Variants in SLC12A8 observed in about 807,000 individuals in gnomAD.
The protein encoded by SLC12A8 is solute carrier family 12 member 8, also known as cation-chloride cotransporter 9.
In SLC12A8, 69 loss-of-function variants were observed where a neutral mutation model predicts 75.6. The observed-to-expected ratio is 0.91, with a 90% CI of 0.75 to 1.11. The LOEUF (loss-of-function observed/expected upper bound fraction) is 1.11, where lower values mean the gene tolerates loss of function less well. Ranked by LOEUF, SLC12A8 falls within the 50% of genes most tolerant of loss-of-function variation. SLC12A8 has a pLI of 0.00. For synonymous variants in SLC12A8, 365 were observed against 372.8 expected (o/e 0.98, Z 0.24); for missense variants, 877 against 896.7 (o/e 0.98, Z 0.28).
intron 10 of SLC12A8, among the ~76,000 whole-genome samples, chr3:125,104,912 T>C (rs1161408215): frequency 6.6e-6 from 1 of 152,016 alleles, no homozygotes; most frequent in East Asian, 1.9e-4. Context: ...ATATACTAAG[T>C]GATAAAGGAG....
At chr3:125,187,570 A>G (rs1430137199) in intron 3 of SLC12A8, 142 bp from the exon 4 acceptor site, 4 of 722,908 alleles carry the variant, frequency 5.5e-6, no homozygotes, top group Non-Finnish European at 7.1e-6. Flanking sequence ...GGACAACTAA[A>G]AAGGACAAAG....
chr3:125,096,327 T>C (rs1938710478), intron 10 of SLC12A8, among the ~76,000 whole-genome samples: 1 of 152,228 alleles, frequency 6.6e-6, no homozygotes, highest in South Asian at 2.1e-4. Flanking sequence ...TCTATTATTA[T>C]TCATTATACT....
chr3:125,105,035 A>C (rs1938989528), intron 10 of SLC12A8, among the ~76,000 whole-genome samples: 1 of 152,148 alleles, frequency 6.6e-6, no homozygotes, highest in Non-Finnish European at 1.5e-5. Context: ...TGTTATCCTC[A>C]GTCAAAACTA....
intron 11 of SLC12A8, 95 bp downstream of exon 11, chr3:125,092,006 G>A (rs768361076): frequency 1.2e-4 from 90 of 763,300 alleles, no homozygotes; most frequent in Non-Finnish European, 1.8e-4. Flanking sequence ...TTCTAATTAG[G>A]CCCTCCATCT....
intron 5 of SLC12A8, among the ~76,000 whole-genome samples, chr3:125,149,629 G>C (rs534883483): frequency 1.2e-4 from 18 of 152,178 alleles, no homozygotes; most frequent in Admixed American, 2.0e-4. Context: ...GTGGAATATT[G>C]AAAATATTCA....
rs1057118455 is a variant in SLC12A8 at position 125,153,106 on chromosome 3, G to A, written c.623-17324C>T. Among the ~76,000 whole-genome samples the A allele has an allele frequency of 1.8e-4, 27 of 152,254 alleles. 1 individual carries two copies. The highest frequency in any genetic ancestry group is 3.4e-3 in the Middle Eastern group (1 of 294). On this transcript the variant is annotated intron_variant, in intron 5 of 13. Coordinates refer to ENST00000469902, the MANE Select transcript of SLC12A8 (RefSeq NM_024628.6). The stretch of plus-strand genomic sequence containing the variant: ...CTCTCATCACACTTTCACAAGCTGC[G>A]CAGATTACGTTTCCTAGGACTGTGT...
intron 2 of SLC12A8, among the ~76,000 whole-genome samples, chr3:125,202,325 A>G (rs952715319): frequency 2.0e-5 from 3 of 152,256 alleles, no homozygotes; most frequent in Admixed American, 2.0e-4. Flanking sequence ...GAGAAAGTAT[A>G]AAATGAATGA....
At chr3:125,196,772 T>C (rs189357564) in intron 2 of SLC12A8, among the ~76,000 whole-genome samples, 8 of 152,002 alleles carry the variant, frequency 5.3e-5, no homozygotes, top group Admixed American at 5.2e-4. Flanking sequence ...CTACAAAAAA[T>C]AGAAAAAGTA....
At chr3:125,173,452 C>CAAAAAAAAAAAAAAA (rs61001520) in intron 5 of SLC12A8, among the ~76,000 whole-genome samples, 1 of 79,624 alleles carries the variant, frequency 1.3e-5, no homozygotes, top group African/African-American at 5.4e-5. Context: ...ATTCATGAGC[C>CAAAAAAAAAAAAAAA]AAAAAAAAAA....
chr3:125,205,177 C>G (rs1935202532), intron 2 of SLC12A8, among the ~76,000 whole-genome samples: 1 of 152,220 alleles, frequency 6.6e-6, no homozygotes. Context: ...CTTTCCTCTC[C>G]TGCAGAAACC....
intron 6 of SLC12A8, chr3:125,121,024 A>T: frequency 1.6e-6 from 1 of 624,996 alleles, no homozygotes; most frequent in Non-Finnish European, 2.8e-6. Context: ...GAGCTGGGAC[A>T]ATGCCCTGGA....
At position 125,187,236 on chromosome 3, in the gene SLC12A8, C is replaced by T. The variant is rs758525816; in HGVS notation, c.390+1G>A. On this transcript the variant is annotated splice_donor_variant, in intron 4 of 13. Transcript: ENST00000469902. LOFTEE classifies it high-confidence loss of function. The stretch of plus-strand genomic sequence containing the variant: ...GGAAGCATCCCGGGCGCAGGCCTCA[C>T]CTGTCCAAACACATAGAGCAGCCCG... The T allele has an allele frequency of 3.1e-6, 5 of 1,613,602 alleles. No homozygotes were observed. In the Admixed American group the frequency reaches 6.7e-5, roughly 22 times the overall value.
intron 2 of SLC12A8, among the ~76,000 whole-genome samples, chr3:125,208,244 C>G (rs1288565235): frequency 6.6e-6 from 1 of 152,176 alleles, no homozygotes; most frequent in African/African-American, 2.4e-5. Flanking sequence ...ACACATCATC[C>G]TCAATAGACT....
chr3:125,090,570 G>A (rs573009601), intron 12 of SLC12A8, among the ~76,000 whole-genome samples: 1 of 152,258 alleles, frequency 6.6e-6, no homozygotes, highest in Admixed American at 6.5e-5. Flanking sequence ...AGTTCTATCA[G>A]GTTTTGGTTT....
chr3:125,198,372 G>T (rs757009084), intron 2 of SLC12A8, among the ~76,000 whole-genome samples: 6 of 152,110 alleles, frequency 3.9e-5, no homozygotes, highest in Non-Finnish European at 4.4e-5. Flanking sequence ...AGTGGCTCAG[G>T]CCTATAATCC....
Position 125,162,130 on chromosome 3 carries a change from G to A in SLC12A8, c.622+15613C>T, listed in dbSNP as rs139436768. Among the ~76,000 whole-genome samples the A allele has an allele frequency of 3.9e-5, 6 of 152,386 alleles. No homozygotes were observed. The East Asian group carries it at 5.8e-4, about 15-fold the overall frequency. ...CCTGGGGAGTATCCATCGCCCAGGC[G>A]ACTGCAGATAAGCAGCTAAGGGGCT... On this transcript the variant is annotated intron_variant, in intron 5 of 13. Coordinates refer to ENST00000469902, the MANE Select transcript of SLC12A8 (RefSeq NM_024628.6).
chr3:125,130,594 A>G (rs1933326921), intron 6 of SLC12A8, among the ~76,000 whole-genome samples: 1 of 122,144 alleles, frequency 8.2e-6, no homozygotes. Context: ...CCTGTCTTAA[A>G]AAAAAGAAAA....
At chr3:125,199,404 A>T (rs1157741442) in intron 2 of SLC12A8, among the ~76,000 whole-genome samples, 1 of 152,186 alleles carries the variant, frequency 6.6e-6, no homozygotes, top group Non-Finnish European at 1.5e-5. Context: ...GTTGCAAAAC[A>T]TTATGAATGT....
At chr3:125,184,489 C>A (rs560664468) in intron 4 of SLC12A8, among the ~76,000 whole-genome samples, 2 of 152,182 alleles carry the variant, frequency 1.3e-5, no homozygotes, top group East Asian at 3.9e-4. Flanking sequence ...GTGACAGAGC[C>A]ATATGACCCT....
Sources: gnomAD v4.1 joint callset for allele counts (sites outside exome capture counted in the v4.1 genomes callset) on GRCh38, gnomAD v4.1.1 for gene constraint, MANE v1.5 for transcripts, NCBI Gene and HGNC (gene_info 2026-07-23, HGNC 2026-07-21) for gene names.